Variants in PRKN observed in about 807,000 individuals in gnomAD.
PRKN encodes E3 ubiquitin-protein ligase parkin.
Under a neutral mutation model 59.5 loss-of-function variants are expected in PRKN, and 56 were observed. That is an observed-to-expected ratio of 0.94 (90% CI 0.76 to 1.18). The LOEUF (loss-of-function observed/expected upper bound fraction) is 1.18, where lower values mean the gene tolerates loss of function less well. PRKN is among the 50% of genes most tolerant of loss of function. The probability of loss-of-function intolerance (pLI) is 0.00; values close to 1 mark genes in which losing one functional copy is unlikely to be tolerated. For missense variants in PRKN, 657 were observed against 596.4 expected, an observed-to-expected ratio of 1.10 and a Z score of -1.06; for synonymous variants, 250 against 222.1, an observed-to-expected ratio of 1.13 and a Z score of -1.12.
chr6:161,704,294 T>G (rs920127220), intron 7 of PRKN, among the ~76,000 whole-genome samples: 2 of 152,096 alleles, frequency 1.3e-5, no homozygotes, highest in African/African-American at 4.8e-5. Flanking sequence ...GTTGGACTAT[T>G]TTCCCCCCAT....
At chr6:162,607,829 C>T (rs1259890692) in intron 1 of PRKN, among the ~76,000 whole-genome samples, 1 of 152,042 alleles carries the variant, frequency 6.6e-6, no homozygotes, top group African/African-American at 2.4e-5. Flanking sequence ...GAGAAGAGTT[C>T]ATCTGCCAAG....
intron 2 of PRKN, among the ~76,000 whole-genome samples, chr6:162,443,040 T>A (rs140586166): frequency 3.7e-4 from 57 of 152,294 alleles, no homozygotes; most frequent in African/African-American, 1.4e-3. Context: ...GCTCCTGTAG[T>A]CAGTAGACAT....
chr6:162,089,642 C>T (rs947829842), intron 4 of PRKN, among the ~76,000 whole-genome samples: 5 of 152,194 alleles, frequency 3.3e-5, no homozygotes, highest in African/African-American at 9.6e-5. Context: ...AACCCAGATG[C>T]CCATCAATTG....
chr6:161,793,515 C>T (rs1052922646), intron 6 of PRKN, among the ~76,000 whole-genome samples: 40 of 151,678 alleles, frequency 2.6e-4, no homozygotes, highest in African/African-American at 9.7e-4. Context: ...TCTGCCAACA[C>T]AGTGGACCGG....
At chr6:161,743,613 C>T (rs941275780) in intron 7 of PRKN, among the ~76,000 whole-genome samples, 1 of 151,828 alleles carries the variant, frequency 6.6e-6, no homozygotes. Context: ...CACGTCCATC[C>T]CTTTGTCCTC....
Position 161,841,913 on chromosome 6 carries a change from T to C in PRKN, c.735-56005A>G, listed in dbSNP as rs78931796. Among the ~76,000 whole-genome samples, 778 of 152,240 alleles carry C rather than the reference T, an allele frequency of 5.1e-3. 3 individuals carry two copies. Among genetic ancestry groups the C allele is most frequent in the African/African-American group, 0.018 (735 of 41,536 alleles). On this transcript the variant is annotated intron_variant, in intron 6 of 11. Transcript: ENST00000366898. ...CTGCTCTTGGACTACAAATCCCCAATTTTTCCTTATTGTATTTGGAGTTGA... is the reference window on the plus strand; with the variant it reads ...CTGCTCTTGGACTACAAATCCCCAACTTTTCCTTATTGTATTTGGAGTTGA...
At chr6:161,948,624 C>G (rs993751760) in intron 6 of PRKN, among the ~76,000 whole-genome samples, 5 of 152,198 alleles carry the variant, frequency 3.3e-5, no homozygotes, top group Non-Finnish European at 7.4e-5. Context: ...AAACAGAGAC[C>G]TGAGACCTGG....
At position 161,397,706 on chromosome 6, in the gene PRKN, G is replaced by C. The variant is rs1786830588; in HGVS notation, c.1084-10829C>G. On this transcript the variant is annotated intron_variant, in intron 9 of 11. Transcript: ENST00000366898. The surrounding 1 kb of genome is among the most constrained non-coding windows in gnomAD (Gnocchi z 4.2). Reference sequence around the variant, plus strand: ...CAAACCTTTGCAGAATAAACAAGCAGTAGTAGCTGGAAAAGCCTCAACTTC... The same window carrying C: ...CAAACCTTTGCAGAATAAACAAGCACTAGTAGCTGGAAAAGCCTCAACTTC... Among the ~76,000 whole-genome samples the C allele has an allele frequency of 6.6e-6, 1 of 152,174 alleles. No individual in the cohort carries two copies. The highest frequency in any genetic ancestry group is 6.5e-5 in the Admixed American group (1 of 15,280).
chr6:162,711,895 C>T lies in PRKN; in HGVS notation c.7+15767G>A, dbSNP rs76456812. Among the ~76,000 whole-genome samples the T allele has an allele frequency of 6.2e-3, 939 of 152,250 alleles. 5 individuals carry two copies. The highest frequency in any genetic ancestry group is 0.016 in the South Asian group (77 of 4,826). ...ATTAGGTAGCAGACTTGTCTTGCAC[C>T]GTCTGAATTAAGACCTACTGGTCTC... On this transcript the variant is annotated intron_variant, in intron 1 of 11. Transcript: ENST00000366898.
At chr6:161,929,850 A>G (rs912192944) in intron 6 of PRKN, among the ~76,000 whole-genome samples, 1 of 152,280 alleles carries the variant, frequency 6.6e-6, no homozygotes, top group Middle Eastern at 3.4e-3. Flanking sequence ...AACACTTCCT[A>G]AAATTATGAA....
chr6:161,537,452 CTTTTT>C (rs1779452872), intron 9 of PRKN, among the ~76,000 whole-genome samples: 2 of 149,084 alleles, frequency 1.3e-5, no homozygotes, highest in South Asian at 4.3e-4. Flanking sequence ...TTTTTCTTTT[CTTTTT>C]TCTTTTTTTT....
At chr6:161,827,394 T>G (rs2128217910) in intron 6 of PRKN, among the ~76,000 whole-genome samples, 1 of 152,274 alleles carries the variant, frequency 6.6e-6, no homozygotes, top group South Asian at 2.1e-4. Flanking sequence ...TCACTGCAGG[T>G]AGGTATTCAG....
At chr6:161,994,868 A>C (rs910855941) in intron 5 of PRKN, among the ~76,000 whole-genome samples, 3 of 151,950 alleles carry the variant, frequency 2.0e-5, no homozygotes, top group African/African-American at 7.2e-5. Context: ...ATATTGTTAA[A>C]ATGACTGCTC....
At chr6:162,127,611 A>G (rs1319598960) in intron 4 of PRKN, among the ~76,000 whole-genome samples, 1 of 152,240 alleles carries the variant, frequency 6.6e-6, no homozygotes, top group Admixed American at 6.5e-5. Context: ...GAGAAAAGAA[A>G]CATTGTAATA....
intron 2 of PRKN, among the ~76,000 whole-genome samples, chr6:162,376,284 G>A (rs944443150): frequency 1.3e-5 from 2 of 152,024 alleles, no homozygotes; most frequent in African/African-American, 4.8e-5. Flanking sequence ...GCTGAATTTA[G>A]CCATAAAAGA....
chr6:161,481,189 A>G lies in PRKN; in HGVS notation c.1083+67665T>C, dbSNP rs75331918. On this transcript the variant is annotated intron_variant, in intron 9 of 11. Coordinates refer to ENST00000366898, the MANE Select transcript of PRKN (RefSeq NM_004562.3). ...TCAAACCGTATCAAGATTTTTTTAG[A>G]AAGGGCTCTACCAATTAAAATCACA... 1.6e-4 allele frequency among the ~76,000 whole-genome samples: 24 copies of G among 152,354 alleles called. No homozygotes were observed. In the East Asian group the frequency reaches 4.6e-3, roughly 29 times the overall value.
rs79810166 is a variant in PRKN at position 161,648,201 on chromosome 6, T to G, written c.872-78785A>C. ...AAGTAATTGTAGTTTTGCCTTATTA[T>G]TTTTTTAAACTCACACAGATATGGA... is the stretch of plus-strand genomic sequence containing the variant. On this transcript the variant is annotated intron_variant, in intron 7 of 11. Coordinates refer to ENST00000366898, the MANE Select transcript of PRKN (RefSeq NM_004562.3). Among the ~76,000 whole-genome samples, 1,291 of 152,338 alleles carry G rather than the reference T, an allele frequency of 8.5e-3. 7 individuals are homozygous for G. Among genetic ancestry groups the G allele is most frequent in the Middle Eastern group, 0.034 (10 of 294 alleles).
chr6:161,374,431 GGTGT>G (rs1334862029), intron 10 of PRKN, among the ~76,000 whole-genome samples: 3 of 150,908 alleles, frequency 2.0e-5, no homozygotes, highest in Non-Finnish European at 3.0e-5. Flanking sequence ...GCATATGTGT[GGTGT>G]GTGTGATGGG....
At chr6:161,424,126 C>G (rs1028862195) in intron 9 of PRKN, among the ~76,000 whole-genome samples, 2 of 152,024 alleles carry the variant, frequency 1.3e-5, no homozygotes, top group South Asian at 2.1e-4. Flanking sequence ...CATTTGAGTC[C>G]AGGAGTTCAA....
Sources: gnomAD v4.1 joint callset for allele counts (sites outside exome capture counted in the v4.1 genomes callset) on GRCh38, gnomAD v4.1.1 for gene constraint, Gnocchi (gnomAD v3.1) non-coding constraint, MANE v1.5 for transcripts, NCBI Gene and HGNC (gene_info 2026-07-23, HGNC 2026-07-21) for gene names.